Variants in BRWD3 observed in about 807,000 individuals in gnomAD.
The protein encoded by BRWD3 is bromodomain and WD repeat domain containing 3.
Under a neutral mutation model 149.7 loss-of-function variants are expected in BRWD3, and 10 were observed. The ratio of observed to expected loss-of-function variants is 0.07; its 90% CI spans 0.04 to 0.11. The LOEUF (loss-of-function observed/expected upper bound fraction) is 0.11. BRWD3 is among the 10% of genes least tolerant of loss of function. The pLI is 1.00. For synonymous variants in BRWD3, 504 were observed against 456.7 expected (o/e 1.10, Z -1.32); for missense variants, 940 against 1,373.2 (o/e 0.68, Z 4.99).
intron 24 of BRWD3, among the ~76,000 whole-genome samples, chrX:80,700,450 A>ATATATATATATAT (rs1482829141): frequency 3.0e-5 from 3 of 99,591 alleles, no homozygotes; most frequent in Non-Finnish European, 4.1e-5. Flanking sequence ...ATAACAATAC[A>ATATATATATATAT]ATTAGGCCGG....
chrX:80,736,266 T>A (rs2073402887), intron 8 of BRWD3, among the ~76,000 whole-genome samples, 178 bp from the exon 9 acceptor site: 1 of 111,725 alleles, frequency 9.0e-6, no homozygotes, highest in Non-Finnish European at 1.9e-5. Flanking sequence ...TTATAAAAAA[T>A]TTAAAATATC....
chrX:80,687,408 G>T (rs1386902049), intron 34 of BRWD3, among the ~76,000 whole-genome samples: 1 of 111,027 alleles, frequency 9.0e-6, no homozygotes, highest in Non-Finnish European at 1.9e-5. Flanking sequence ...ATCCTTTGTG[G>T]TCATGATAAA....
chrX:80,718,551 G>A (rs1424069405), intron 18 of BRWD3, among the ~76,000 whole-genome samples: 2 of 111,883 alleles, frequency 1.8e-5, no homozygotes, highest in Non-Finnish European at 3.8e-5. Flanking sequence ...GGCCTGGATA[G>A]ATAGGATTAT....
intron 24 of BRWD3, among the ~76,000 whole-genome samples, chrX:80,700,342 C>T (rs1051661699): frequency 4.9e-5 from 5 of 101,206 alleles, no homozygotes; most frequent in African/African-American, 1.4e-4. Context: ...AAAATGTACA[C>T]AAAACTGGTC....
chrX:80,690,543 G>A (rs984610316), intron 31 of BRWD3, among the ~76,000 whole-genome samples: 6 of 111,672 alleles, frequency 5.4e-5, no homozygotes, highest in African/African-American at 1.6e-4. Flanking sequence ...AGATTAACCA[G>A]TCATGGAATA....
At chrX:80,741,826 G>A (rs2073513627) in intron 8 of BRWD3, among the ~76,000 whole-genome samples, 1 of 111,791 alleles carries the variant, frequency 8.9e-6, no homozygotes. Flanking sequence ...TGTCAGATGA[G>A]CAGGTTGCAA....
At chrX:80,740,345 A>C (rs1323324594) in intron 8 of BRWD3, among the ~76,000 whole-genome samples, 1 of 112,473 alleles carries the variant, frequency 8.9e-6, no homozygotes, top group East Asian at 2.8e-4. Flanking sequence ...CATTAGTTTC[A>C]TTAAATAAAA....
At chrX:80,776,753 T>C (rs2074003896) in intron 6 of BRWD3, among the ~76,000 whole-genome samples, 1 of 111,395 alleles carries the variant, frequency 9.0e-6, no homozygotes, top group South Asian at 3.8e-4. Flanking sequence ...TTTGCTATTT[T>C]CACTTATTAC....
rs775110803 is a variant in BRWD3 at position 80,713,562 on chromosome X, G to T, written c.2325+2595C>A. On this transcript the variant is annotated intron_variant, in intron 20 of 40. Coordinates refer to ENST00000373275, the MANE Select transcript of BRWD3 (RefSeq NM_153252.5). ...AGGGACACAAACACTGCGGAAGGCC[G>T]CAGGGTCCTCTGCCTAGGAAAACCA... Among the ~76,000 whole-genome samples, 244 of 109,671 alleles carry T rather than the reference G, an allele frequency of 2.2e-3. 2 individuals carry two copies. The highest frequency in any genetic ancestry group is 3.6e-3 in the Non-Finnish European group (190 of 52,408).
At chrX:80,772,310 C>A (rs1211081561) in intron 6 of BRWD3, among the ~76,000 whole-genome samples, 1 of 111,475 alleles carries the variant, frequency 9.0e-6, no homozygotes, top group African/African-American at 3.3e-5. Flanking sequence ...GAGTTCATGT[C>A]TTTTGCAGGG....
intron 34 of BRWD3, among the ~76,000 whole-genome samples, chrX:80,687,817 C>T (rs769954008): frequency 1.8e-5 from 2 of 109,952 alleles, no homozygotes; most frequent in Non-Finnish European, 3.8e-5. Context: ...TGACCCCTCA[C>T]AGGGGAAAGA....
intron 6 of BRWD3, among the ~76,000 whole-genome samples, chrX:80,747,642 A>C (rs2073611615): frequency 8.9e-6 from 1 of 112,001 alleles, no homozygotes; most frequent in Non-Finnish European, 1.9e-5. Context: ...AGTTTTCACT[A>C]TACAGCTCTT....
At position 80,675,473 on chromosome X, in the gene BRWD3, A is replaced by C. The variant is rs1281940522; in HGVS notation, c.*1136T>G. The C allele has an allele frequency of 1.8e-5, 2 of 112,025 alleles. No individual in the cohort carries two copies. The highest frequency in any genetic ancestry group is 9.5e-5 in the Admixed American group (1 of 10,540). 9.2% of individuals were successfully genotyped at this position (112,025 alleles called of 1,213,427 possible). ...GTAGCCCAAGTCTACTTACACAAAT[A>C]TGTTCTAAGAAAGCCTAAGGTGGTA... On this transcript the variant is annotated 3_prime_UTR_variant, in exon 41 of 41. Transcript: ENST00000373275.
rs767078012 is a variant in BRWD3 at position 80,707,471 on chromosome X, C to T, written c.2508G>A (p.Ser836=). ...EDETVGTSDA[S]VEDPVVEWQS... ...GCCATTCAACAACAGGATCCTCTAC[C>T]GAAGCGTCACTTGTGCCAACAGTTT... Residue 836 remains serine, a synonymous_variant, in exon 22 of 41, where the codon TCG becomes TCA. Transcript: ENST00000373275. 28 of 1,210,075 alleles carry T rather than the reference C, an allele frequency of 2.3e-5. No homozygotes were observed. The East Asian group carries it at 4.4e-4, about 19-fold the overall frequency.
At position 80,669,986 on chromosome X, in the gene BRWD3, T is replaced by C. The variant is rs1382165872; in HGVS notation, c.*6623A>G. Among the ~76,000 whole-genome samples, 1 of 111,024 alleles carries C rather than the reference T, an allele frequency of 9.0e-6. No homozygotes were observed. ...AAATATCAATTTGTTAATTAATAAC[T>C]GTTAAAACTAGATGTCTAGAATAAT... On this transcript the variant is annotated 3_prime_UTR_variant, in exon 41 of 41. Transcript: ENST00000373275.
At position 80,677,382 on chromosome X, in the gene BRWD3, T is replaced by G. The variant is rs1458105644; in HGVS notation, c.4655-19A>C. ...GAGTGATCTAAATTAAAATGAATGA[T>G]TTTTAATAGTTAAGCTTTGACATTG... On this transcript the variant is annotated intron_variant, in intron 40 of 40. Coordinates refer to ENST00000373275, the MANE Select transcript of BRWD3 (RefSeq NM_153252.5). 3 of 1,188,540 alleles carry G rather than the reference T, an allele frequency of 2.5e-6. No individual in the cohort carries two copies. Among genetic ancestry groups the G allele is most frequent in the Non-Finnish European group, 3.4e-6 (3 of 885,400 alleles).
intron 5 of BRWD3, among the ~76,000 whole-genome samples, chrX:80,792,480 T>G (rs2074192041): frequency 8.9e-6 from 1 of 112,046 alleles, no homozygotes; most frequent in Non-Finnish European, 1.9e-5. Context: ...CTTTCATGTT[T>G]AAGTCAAAAA....
At chrX:80,764,870 C>A (rs1384412806) in intron 6 of BRWD3, among the ~76,000 whole-genome samples, 1 of 111,394 alleles carries the variant, frequency 9.0e-6, no homozygotes, top group Admixed American at 9.6e-5. Context: ...GGCATAGACA[C>A]TTCACCAAAA....
At chrX:80,794,386 T>C (rs1208286391) in intron 4 of BRWD3, among the ~76,000 whole-genome samples, 1 of 107,847 alleles carries the variant, frequency 9.3e-6, no homozygotes, top group East Asian at 2.9e-4. Context: ...GCACCTCTAA[T>C]CTCAGCTATT....
Sources: allele counts gnomAD v4.1 joint callset (sites outside exome capture counted in the v4.1 genomes callset), GRCh38; gene constraint gnomAD v4.1.1; transcripts MANE v1.5; gene names NCBI Gene and HGNC (gene_info 2026-07-23, HGNC 2026-07-21).